Variants in GCNT2 observed in about 807,000 individuals in gnomAD.
GCNT2 encodes the protein N-acetyllactosaminide beta-1,6-N-acetylglucosaminyl-transferase.
A neutral mutation model predicts 34.2 loss-of-function variants in GCNT2; 34 were observed. The ratio of observed to expected loss-of-function variants is 1.00; its 90% CI spans 0.76 to 1.32. GCNT2 has a LOEUF of 1.32. Ranked by LOEUF, GCNT2 falls within the 40% of genes most tolerant of loss-of-function variation. The pLI, the probability that GCNT2 is intolerant of heterozygous loss-of-function variation, is 0.00. For synonymous variants in GCNT2, 212 were observed against 188.0 expected (o/e 1.13, Z -1.04); for missense variants, 584 against 489.4 (o/e 1.19, Z -1.82).
chr6:10,525,760 T>C (rs1216735096), intron 1 of GCNT2, among the ~76,000 whole-genome samples: 1 of 152,236 alleles, frequency 6.6e-6, no homozygotes, highest in Non-Finnish European at 1.5e-5. Context: ...TAAAGACGTA[T>C]GAACTTTGCT....
intron 3 of GCNT2, among the ~76,000 whole-genome samples, chr6:10,544,944 T>TTAAA (rs1561789767): frequency 2.4e-5 from 3 of 125,624 alleles, no homozygotes; most frequent in African/African-American, 8.3e-5. Context: ...AAACTCTGTC[T>TTAAA]CAAATAAATA....
chr6:10,589,785 A>G (rs1012413944), intron 3 of GCNT2, among the ~76,000 whole-genome samples: 6 of 152,316 alleles, frequency 3.9e-5, no homozygotes, highest in Middle Eastern at 6.8e-3. Flanking sequence ...AACATTACAT[A>G]TGGACTTTAA....
At position 10,560,329 on chromosome 6, in the gene GCNT2, G is replaced by T. The variant is rs538313183; in HGVS notation, c.925+30493G>T. ...TAGTCTCGAATTCCTGAGCTCAGGC[G>T]ATCCGCCCACCTCGGCCTCCCAAAG... On this transcript the variant is annotated intron_variant, in intron 3 of 4. Transcript: ENST00000495262. Among the ~76,000 whole-genome samples the T allele has an allele frequency of 2.6e-5, 4 of 152,214 alleles. No homozygotes were observed. In the South Asian group the frequency reaches 8.3e-4, roughly 32 times the overall value.
In GCNT2 at chr6:10,576,539, T is replaced by C. The variant is rs570425034; in HGVS notation, c.926-44812T>C. ...ATAGTTAATTAAAAAAACAAAAATC[T>C]ATTCAAGGAGGCTGGAATTCAGGAT... On this transcript the variant is annotated intron_variant, in intron 3 of 4. Transcript: ENST00000495262. Among the ~76,000 whole-genome samples the C allele has an allele frequency of 4.5e-4, 68 of 152,206 alleles. 2 individuals carry two copies. The South Asian group carries it at 0.012, about 27-fold the overall frequency.
intron 3 of GCNT2, among the ~76,000 whole-genome samples, chr6:10,589,365 G>T (rs1278620701): frequency 7.7e-6 from 1 of 130,170 alleles, no homozygotes; most frequent in Non-Finnish European, 1.8e-5. Flanking sequence ...TGTTTCTAGT[G>T]TGTGTTTGTA....
At chr6:10,577,648 C>A (rs138782921) in intron 3 of GCNT2, among the ~76,000 whole-genome samples, 1 of 152,138 alleles carries the variant, frequency 6.6e-6, no homozygotes, top group African/African-American at 2.4e-5. Flanking sequence ...TCAAGTGATT[C>A]TCCTACCACA....
intron 4 of GCNT2, among the ~76,000 whole-genome samples, chr6:10,623,368 T>C (rs1766127228): frequency 6.6e-6 from 1 of 151,828 alleles, no homozygotes; most frequent in Non-Finnish European, 1.5e-5. Flanking sequence ...CTCGGCTCAC[T>C]GGAACCTCCG....
chr6:10,556,510 A>G (rs1397814090), intron 3 of GCNT2: 1 of 1,613,848 alleles, frequency 6.2e-7, no homozygotes, highest in African/African-American at 1.3e-5. Flanking sequence ...ATTTTGGGGG[A>G]GATCCAAGCT....
chr6:10,542,476 T>C (rs1024230726), intron 3 of GCNT2, among the ~76,000 whole-genome samples: 2 of 152,240 alleles, frequency 1.3e-5, no homozygotes, highest in Admixed American at 6.5e-5. Flanking sequence ...CCCCGGCTAA[T>C]GTAGAATCAT....
At chr6:10,618,271 G>T (rs916275013) in intron 3 of GCNT2, among the ~76,000 whole-genome samples, 4 of 152,170 alleles carry the variant, frequency 2.6e-5, no homozygotes, top group Non-Finnish European at 5.9e-5. Context: ...TAATATGTAA[G>T]CACATACGTG....
At chr6:10,543,196 C>T (rs1170191654) in intron 3 of GCNT2, among the ~76,000 whole-genome samples, 19 of 151,492 alleles carry the variant, frequency 1.3e-4, no homozygotes, top group Admixed American at 1.3e-3. Flanking sequence ...GAGTGAGCCA[C>T]CACGCCCGGC....
chr6:10,603,919 T>TA, intron 3 of GCNT2, among the ~76,000 whole-genome samples: 1 of 146,024 alleles, frequency 6.8e-6, no homozygotes, highest in Non-Finnish European at 1.5e-5. Context: ...TGTTTTGAGA[T>TA]GGAGTCTTGC....
At chr6:10,549,020 G>A (rs1187579456) in intron 3 of GCNT2, among the ~76,000 whole-genome samples, 1 of 152,206 alleles carries the variant, frequency 6.6e-6, no homozygotes. Context: ...GCCTTCTAAA[G>A]TGCTGGGATT....
chr6:10,523,829 C>T (rs1435337690), intron 1 of GCNT2, among the ~76,000 whole-genome samples: 3 of 151,788 alleles, frequency 2.0e-5, no homozygotes, highest in Admixed American at 1.3e-4. Flanking sequence ...AAAAATTAGC[C>T]GGGCTTGGTG....
At position 10,529,196 on chromosome 6, in the gene GCNT2, C is replaced by A; in HGVS notation, c.285C>A (p.Phe95Leu). The A allele has an allele frequency of 1.2e-6, 2 of 1,614,152 alleles. No individual in the cohort carries two copies. Among genetic ancestry groups the A allele is most frequent in the East Asian group, 2.2e-5 (1 of 44,888 alleles). The change falls in exon 3 of 5, where the codon TTC becomes TTA. Residue 95 changes from phenylalanine to leucine, a missense_variant. By Grantham distance (22) the Phe-to-Leu change is conservative. Coordinates refer to ENST00000495262, the MANE Select transcript of GCNT2 (RefSeq NM_145649.5). ...CACTCTCTGAAGAAGAGGCTGGGTTCCCTTTAGCTTACACAGTGACCATCC... is the reference window on the plus strand; with the variant it reads ...CACTCTCTGAAGAAGAGGCTGGGTTACCTTTAGCTTACACAGTGACCATCC... ...TETLSEEEAGFPLAYTVTIHK... is the reference protein window; with the variant it reads ...TETLSEEEAGLPLAYTVTIHK...
At chr6:10,522,882 C>G (rs980014799) in intron 1 of GCNT2, among the ~76,000 whole-genome samples, 6 of 152,170 alleles carry the variant, frequency 3.9e-5, no homozygotes, top group African/African-American at 1.4e-4. Flanking sequence ...ATAGAATACA[C>G]TCAATCCTCA....
intron 3 of GCNT2, among the ~76,000 whole-genome samples, chr6:10,618,315 G>A (rs1020952963): frequency 4.6e-5 from 7 of 152,212 alleles, no homozygotes; most frequent in Non-Finnish European, 1.0e-4. Context: ...AAGTATTGAA[G>A]TTGAGGTTTG....
chr6:10,560,838 C>T (rs994778513), intron 3 of GCNT2, among the ~76,000 whole-genome samples: 1 of 152,038 alleles, frequency 6.6e-6, no homozygotes, highest in Non-Finnish European at 1.5e-5. Context: ...ATACAACAGG[C>T]CAGAAAGAGG....
chr6:10,579,665 A>G (rs1763976203), intron 3 of GCNT2, among the ~76,000 whole-genome samples: 1 of 151,948 alleles, frequency 6.6e-6, no homozygotes, highest in Non-Finnish European at 1.5e-5. Context: ...AAAATACAAA[A>G]ATCAGCTGGC....
Sources: allele counts gnomAD v4.1 joint callset (sites outside exome capture counted in the v4.1 genomes callset), GRCh38; gene constraint gnomAD v4.1.1; transcripts MANE v1.5; gene names NCBI Gene and HGNC (gene_info 2026-07-23, HGNC 2026-07-21).